The following C4orf50 variants were observed in gnomAD, a reference collection of about 807,000 sequenced individuals.
C4orf50 encodes chromosome 4 open reading frame 50, also known as uncharacterized protein C4orf50.
Under a neutral mutation model 77.2 loss-of-function variants are expected in C4orf50, and 80 were observed. That is an observed-to-expected ratio of 1.04 (90% CI 0.87 to 1.25). C4orf50 has a LOEUF of 1.25. Among genes scored for constraint, C4orf50 ranks in the 50% most tolerant of loss-of-function variants. The pLI is 0.00. For missense variants in C4orf50, 1,257 were observed against 1,152.9 expected (o/e 1.09, Z -1.31); for synonymous variants, 532 against 465.3 (o/e 1.14, Z -1.84).
chr4:5,975,212 C>A (rs1407134042), intron 30 of C4orf50, among the ~76,000 whole-genome samples: 5 of 116,406 alleles, frequency 4.3e-5, no homozygotes, highest in Non-Finnish European at 7.0e-5. Context: ...ATTAATGATA[C>A]AAAAGAGAGA....
chr4:5,974,709 T>C (rs1287035783), intron 30 of C4orf50, among the ~76,000 whole-genome samples: 1 of 152,196 alleles, frequency 6.6e-6, no homozygotes, highest in African/African-American at 2.4e-5. Flanking sequence ...ATGTTCAAGA[T>C]GAAATGTGTT....
At chr4:5,906,224 G>A (rs1275870511) in intron 7 of C4orf50, among the ~76,000 whole-genome samples, 1 of 151,918 alleles carries the variant, frequency 6.6e-6, no homozygotes. Context: ...GGCATGGAGA[G>A]AAGTGGGGGG....
chr4:5,932,072 T>G lies in C4orf50; in HGVS notation c.*2474+24829A>C. 9.9e-6 allele frequency among the ~76,000 whole-genome samples: 1 copy of G among 100,848 alleles called. No individual in the cohort carries two copies. 66.2% of individuals were successfully genotyped at this position (100,848 alleles called of 152,430 possible). A position where few individuals can be genotyped will look rare whatever the true frequency, so the allele number is the denominator to read the frequency against. ...CCCCCCGCCCCCCACCCCTGCCAAC[T>G]GTCTCTAATTTCCGTGCAATGTTTG... On this transcript the variant is annotated intron_variant, in intron 7 of 7. Transcript: ENST00000324058. This position sits in a 1 kb window ranked among gnomAD's most constrained non-coding sequence, Gnocchi z 4.2.
chr4:6,001,694 C>G (rs537797742), intron 25 of C4orf50, among the ~76,000 whole-genome samples: 3 of 152,342 alleles, frequency 2.0e-5, no homozygotes, highest in African/African-American at 7.2e-5. Flanking sequence ...AATATTCACC[C>G]AGCACCTCTT....
At chr4:6,001,681 A>G (rs1472573713) in intron 25 of C4orf50, among the ~76,000 whole-genome samples, 11 of 152,208 alleles carry the variant, frequency 7.2e-5, no homozygotes, top group Admixed American at 7.2e-4. Flanking sequence ...CTTTTACTTA[A>G]TAAATATTCA....
At chr4:5,980,388 ATTTGCC>A in intron 28 of C4orf50, 50 bp from the exon 7 acceptor site, 1 of 1,554,950 alleles carries the variant, frequency 6.4e-7, no homozygotes, top group South Asian at 1.2e-5. Flanking sequence ...CCTTCAAGCA[ATTTGCC>A]TTAGCCAACA....
intron 25 of C4orf50, among the ~76,000 whole-genome samples, chr4:6,004,351 A>G (rs1448272314): frequency 4.1e-4 from 7 of 17,116 alleles, no homozygotes; most frequent in Non-Finnish European, 7.2e-4. Flanking sequence ...GGTGATGATG[A>G]CGGTGATGGT....
intron 7 of C4orf50, among the ~76,000 whole-genome samples, chr4:5,935,784 T>TAAAAAAAAA (rs769910855): frequency 0.012 from 371 of 31,462 alleles, 40 homozygotes; most frequent in Non-Finnish European, 0.017. Flanking sequence ...AGACTCCGTC[T>TAAAAAAAAA]AAAAAAAAAA....
intron 26 of C4orf50, among the ~76,000 whole-genome samples, chr4:5,993,288 C>G (rs780078752): frequency 3.4e-4 from 52 of 152,328 alleles, no homozygotes; most frequent in Non-Finnish European, 7.1e-4. Flanking sequence ...GGCATGAGGA[C>G]ACATCTGACC....
intron 7 of C4orf50, among the ~76,000 whole-genome samples, chr4:5,933,535 G>T (rs4416426): frequency 1.3e-5 from 2 of 152,126 alleles, no homozygotes; most frequent in East Asian, 1.9e-4. Context: ...TACCTGCTCA[G>T]GTGGCTGGAG....
At chr4:5,904,665 C>A (rs1263349346) in intron 7 of C4orf50, 1 of 152,184 alleles carries the variant, frequency 6.6e-6, no homozygotes, top group Non-Finnish European at 1.5e-5. Context: ...GGGTGCTTGG[C>A]TACTAGGGTG....
Position 5,988,328 on chromosome 4 carries a change from A to G in C4orf50, c.3699+19T>C, listed in dbSNP as rs769962207. 1 of 1,610,154 alleles carries G rather than the reference A, an allele frequency of 6.2e-7. No individual in the cohort carries two copies. Among genetic ancestry groups the G allele is most frequent in the Non-Finnish European group, 8.5e-7 (1 of 1,177,966 alleles). Reference sequence around the variant, plus strand: ...AGAGTCATGCGTGATGAGTAAGCAGATATGCAGACCCAACCTACCATGGGG... The same window carrying G: ...AGAGTCATGCGTGATGAGTAAGCAGGTATGCAGACCCAACCTACCATGGGG... On this transcript the variant is annotated intron_variant, in intron 28 of 33. Transcript: ENST00000531445.
At chr4:5,909,971 T>G (rs1487550858) in intron 7 of C4orf50, among the ~76,000 whole-genome samples, 1 of 152,192 alleles carries the variant, frequency 6.6e-6, no homozygotes, top group East Asian at 1.9e-4. Flanking sequence ...CCCTCAGGAT[T>G]GTGTTAGCTA....
intron 7 of C4orf50, among the ~76,000 whole-genome samples, chr4:5,930,455 CCT>C (rs1717717279): frequency 6.6e-6 from 1 of 152,172 alleles, no homozygotes; most frequent in African/African-American, 2.4e-5. Flanking sequence ...TTTTTGAACC[CCT>C]TTCTTATGTT....
chr4:5,959,719 T>C, intron 33 of C4orf50, 93 bp from the exon 12 acceptor site: 11 of 1,454,412 alleles, frequency 7.6e-6, no homozygotes, highest in Non-Finnish European at 1.0e-5. Context: ...GAGATGACAG[T>C]GATAGCTAAC....
chr4:5,910,215 C>A (rs1716744367), intron 7 of C4orf50, among the ~76,000 whole-genome samples: 1 of 152,192 alleles, frequency 6.6e-6, no homozygotes, highest in African/African-American at 2.4e-5. Flanking sequence ...CCAAGAGAAA[C>A]TGTTCATGAG....
At chr4:5,957,585 G>A (rs1336849097) in exon 34 of C4orf50, 2 of 152,164 alleles carry the variant, frequency 1.3e-5, no homozygotes, top group South Asian at 2.1e-4. Context: ...GGGTCTCCAG[G>A]GGGGTCCCTG....
chr4:5,965,994 G>A (rs1719542546), intron 32 of C4orf50, among the ~76,000 whole-genome samples: 1 of 152,168 alleles, frequency 6.6e-6, no homozygotes, highest in Non-Finnish European at 1.5e-5. Context: ...TCGTGCACCT[G>A]ATCCAAACAC....
chr4:5,973,548 C>T (rs1466299863), intron 31 of C4orf50, 111 bp downstream of exon 9: 15 of 911,906 alleles, frequency 1.6e-5, no homozygotes, highest in Middle Eastern at 2.2e-4. Flanking sequence ...GTAGTGTCCG[C>T]GGTGGGAGGG....
Sources: allele counts gnomAD v4.1 joint callset (sites outside exome capture counted in the v4.1 genomes callset), GRCh38; gene constraint gnomAD v4.1.1; non-coding constraint Gnocchi (gnomAD v3.1); transcripts MANE v1.5; gene names NCBI Gene and HGNC (gene_info 2026-07-23, HGNC 2026-07-21).